RBFOX1: variants seen among roughly 807,000 people sequenced by gnomAD.
RBFOX1 encodes the protein RNA binding fox-1 homolog 1, also known as RNA binding protein fox-1 homolog 1.
Under a neutral mutation model 57.7 loss-of-function variants are expected in RBFOX1, and 8 were observed. The ratio of observed to expected loss-of-function variants is 0.14; its 90% confidence interval spans 0.08 to 0.25. The LOEUF (loss-of-function observed/expected upper bound fraction) is 0.25. Among genes scored for constraint, RBFOX1 ranks in the 10% least tolerant of loss-of-function variants. RBFOX1 has a pLI of 1.00. For missense variants in RBFOX1, 611 were observed against 548.5 expected (o/e 1.11, Z -1.14); for synonymous variants, 326 against 222.4 (o/e 1.47, Z -4.15).
intron 1 of RBFOX1, among the ~76,000 whole-genome samples, chr16:6,221,622 G>A (rs1336480773): frequency 6.6e-6 from 1 of 152,116 alleles, no homozygotes; most frequent in Non-Finnish European, 1.5e-5. Context: ...AGACATACCT[G>A]ACAATGGGTA....
intron 3 of RBFOX1, among the ~76,000 whole-genome samples, chr16:5,800,159 C>G (rs924726980): frequency 6.6e-6 from 1 of 151,842 alleles, no homozygotes; most frequent in Admixed American, 6.6e-5. Context: ...CCAGACTGTT[C>G]CAGAAAAAGT....
At chr16:6,603,581 G>T (rs2097883820) in intron 2 of RBFOX1, among the ~76,000 whole-genome samples, 1 of 152,134 alleles carries the variant, frequency 6.6e-6, no homozygotes, top group Non-Finnish European at 1.5e-5. Context: ...GCCTCTTGGG[G>T]TAGGCTCTGG....
At chr16:5,473,006 T>C (rs1226892768) in intron 2 of RBFOX1, among the ~76,000 whole-genome samples, 2 of 152,164 alleles carry the variant, frequency 1.3e-5, no homozygotes, top group Non-Finnish European at 2.9e-5. Context: ...TCCAGTCACC[T>C]TTCTGACATT....
At chr16:7,285,911 G>T (rs1043734295) in intron 4 of RBFOX1, among the ~76,000 whole-genome samples, 6 of 152,200 alleles carry the variant, frequency 3.9e-5, no homozygotes, top group African/African-American at 1.4e-4. Flanking sequence ...GAAAGAACAT[G>T]CTGGGACATG....
At chr16:6,325,318 C>G (rs983923843) in intron 2 of RBFOX1, among the ~76,000 whole-genome samples, 20 of 152,136 alleles carry the variant, frequency 1.3e-4, no homozygotes, top group African/African-American at 4.8e-4. Context: ...GATTGTGGCA[C>G]TGCACACCAA....
intron 3 of RBFOX1, among the ~76,000 whole-genome samples, chr16:6,982,062 A>G (rs368897319): frequency 1.3e-5 from 2 of 152,182 alleles, no homozygotes; most frequent in African/African-American, 2.4e-5. Flanking sequence ...GTAGTTTTTC[A>G]TGATATACTC....
intron 1 of RBFOX1, among the ~76,000 whole-genome samples, chr16:6,296,636 G>C (rs1430010575): frequency 6.6e-6 from 1 of 152,222 alleles, no homozygotes; most frequent in Non-Finnish European, 1.5e-5. Context: ...TAGCTGGGAT[G>C]GTCTCGATCT....
At chr16:6,513,356 G>C (rs1032757315) in intron 2 of RBFOX1, among the ~76,000 whole-genome samples, 3 of 151,696 alleles carry the variant, frequency 2.0e-5, no homozygotes, top group African/African-American at 7.3e-5. Flanking sequence ...TGCTTGGATA[G>C]CATTCCTTAT....
intron 2 of RBFOX1, among the ~76,000 whole-genome samples, chr16:5,596,767 A>G (rs772850622): frequency 1.3e-5 from 2 of 152,218 alleles, no homozygotes; most frequent in African/African-American, 4.8e-5. Context: ...CATTCTCTCA[A>G]AGGAGAATTG....
At chr16:5,809,024 C>T (rs1007429105) in intron 3 of RBFOX1, among the ~76,000 whole-genome samples, 1 of 152,160 alleles carries the variant, frequency 6.6e-6, no homozygotes, top group Non-Finnish European at 1.5e-5. Flanking sequence ...CGCTGCGTAT[C>T]TACAACTATC....
chr16:6,852,918 A>T (rs546731145), intron 3 of RBFOX1, among the ~76,000 whole-genome samples: 1 of 152,178 alleles, frequency 6.6e-6, no homozygotes, highest in Non-Finnish European at 1.5e-5. Context: ...GCTGGGAACT[A>T]GCTGTCCATG....
At chr16:5,722,629 G>A (rs2051977846) in intron 3 of RBFOX1, among the ~76,000 whole-genome samples, 1 of 152,142 alleles carries the variant, frequency 6.6e-6, no homozygotes, top group Non-Finnish European at 1.5e-5. Context: ...GTGGCATTAG[G>A]GTTGTGAGTC....
intron 1 of RBFOX1, among the ~76,000 whole-genome samples, chr16:6,034,352 A>AG (rs2095334656): frequency 6.6e-6 from 1 of 150,478 alleles, no homozygotes; most frequent in Admixed American, 6.6e-5. Context: ...AAAAAAAAAA[A>AG]AAAAAGAAAA....
chr16:6,700,516 G>C (rs1456443032), intron 3 of RBFOX1, among the ~76,000 whole-genome samples: 1 of 151,998 alleles, frequency 6.6e-6, no homozygotes, highest in Non-Finnish European at 1.5e-5. Flanking sequence ...AAATCAGCTG[G>C]GTGAGGTGGT....
chr16:6,924,975 A>T (rs1199956446), intron 3 of RBFOX1, among the ~76,000 whole-genome samples: 3 of 151,214 alleles, frequency 2.0e-5, no homozygotes, highest in African/African-American at 7.3e-5. Context: ...GCTGAGAATG[A>T]TGGTTTCCAG....
At chr16:6,952,126 C>G (rs553597182) in intron 3 of RBFOX1, among the ~76,000 whole-genome samples, 93 of 152,260 alleles carry the variant, frequency 6.1e-4, no homozygotes, top group Admixed American at 1.3e-3. Flanking sequence ...TAATATTTCC[C>G]CACAAGTGCT....
intron 4 of RBFOX1, among the ~76,000 whole-genome samples, chr16:7,288,013 T>G (rs1020004798): frequency 6.6e-6 from 1 of 152,208 alleles, no homozygotes; most frequent in African/African-American, 2.4e-5. Flanking sequence ...GTGTATTTGC[T>G]GGCTGAGATC....
intron 5 of RBFOX1, among the ~76,000 whole-genome samples, chr16:7,527,146 G>C (rs973649945): frequency 1.7e-4 from 26 of 152,150 alleles, no homozygotes; most frequent in Non-Finnish European, 4.4e-5. Flanking sequence ...TGACTGAGCT[G>C]TTTTGTCAAT....
rs140136999 is a variant in RBFOX1, at chr16:5,917,612, T to G, written c.351+50277T>G. Among the ~76,000 whole-genome samples the G allele has an allele frequency of 4.3e-4, 66 of 152,218 alleles. 1 individual carries two copies. The East Asian group carries it at 0.012, about 28-fold the overall frequency. On this transcript the variant is annotated intron_variant, in intron 4 of 19. Transcript: ENST00000641259. ...ACTGCACTGGGTGTGTCCATGTGAG[T>G]TCTGCCTCCTTTCTCCTGGGCCCTG...
Sources: gnomAD v4.1 joint callset for allele counts (sites outside exome capture counted in the v4.1 genomes callset) on GRCh38, gnomAD v4.1.1 for gene constraint, MANE v1.5 for transcripts, NCBI Gene and HGNC (gene_info 2026-07-23, HGNC 2026-07-21) for gene names.